Variants in SH3GL2 observed in about 807,000 individuals in gnomAD.
SH3GL2 encodes SH3 domain containing GRB2 like 2, endophilin A1.
SH3GL2 carries 24 observed loss-of-function variants against 46.0 expected under a neutral mutation model. The observed-to-expected ratio is 0.52, with a 90% CI of 0.38 to 0.73. SH3GL2 has a LOEUF of 0.73. Ranked by LOEUF, SH3GL2 falls within the 30% of genes least tolerant of loss-of-function variation. The pLI, the probability that SH3GL2 is intolerant of heterozygous loss-of-function variation, is 0.00. For synonymous variants in SH3GL2, 196 were observed against 147.1 expected, an observed-to-expected ratio of 1.33 and a Z score of -2.40; for missense variants, 413 against 424.2, an observed-to-expected ratio of 0.97 and a Z score of 0.23.
chr9:17,744,369 A>T (rs1039425073), intron 1 of SH3GL2, among the ~76,000 whole-genome samples: 4 of 144,478 alleles, frequency 2.8e-5, no homozygotes, highest in South Asian at 4.5e-4. Flanking sequence ...GGCACTTGAA[A>T]TTTTTTTTTT....
At chr9:17,664,319 T>G (rs1017490381) in intron 1 of SH3GL2, among the ~76,000 whole-genome samples, 1 of 152,000 alleles carries the variant, frequency 6.6e-6, no homozygotes, top group Non-Finnish European at 1.5e-5. Flanking sequence ...TCCAGAAATG[T>G]GTTGATGTGA....
In SH3GL2 at chr9:17,789,640, T is replaced by G. The variant is rs781250669; in HGVS notation, c.624+90T>G. The G allele has an allele frequency of 2.3e-4, 356 of 1,570,446 alleles. 1 individual carries two copies. The highest frequency in any genetic ancestry group is 3.6e-4 in the Middle Eastern group (2 of 5,604). ...GCCATAACCCTTAAAAGCATTAATATCTGATTACACTATGTGATAAGAACT... is the reference window on the plus strand; with the variant it reads ...GCCATAACCCTTAAAAGCATTAATAGCTGATTACACTATGTGATAAGAACT... On this transcript the variant is annotated intron_variant, in intron 6 of 8. Transcript: ENST00000380607.
intron 1 of SH3GL2, among the ~76,000 whole-genome samples, chr9:17,724,909 T>C (rs760934843): frequency 8.5e-5 from 13 of 152,098 alleles, no homozygotes; most frequent in Non-Finnish European, 1.6e-4. Context: ...TAAGCTGGCT[T>C]AGCCAGTTGG....
chr9:17,667,376 C>G (rs896282034), intron 1 of SH3GL2, among the ~76,000 whole-genome samples: 3 of 152,138 alleles, frequency 2.0e-5, no homozygotes, highest in African/African-American at 7.2e-5. Context: ...CCACTCTCCT[C>G]AACCCACAAA....
At chr9:17,685,835 G>C (rs1219422286) in intron 1 of SH3GL2, among the ~76,000 whole-genome samples, 2 of 152,084 alleles carry the variant, frequency 1.3e-5, no homozygotes, top group Non-Finnish European at 2.9e-5. Flanking sequence ...GTACCATGCT[G>C]TTTTGGTTAC....
At chr9:17,739,837 C>T (rs3808686) in intron 1 of SH3GL2, among the ~76,000 whole-genome samples, 48,843 of 151,868 alleles carry the variant, frequency 0.32, 8,360 homozygotes, top group East Asian at 0.55. Flanking sequence ...TTTTTCACCT[C>T]GGGGAAATGG....
intron 1 of SH3GL2, among the ~76,000 whole-genome samples, chr9:17,591,650 G>A (rs112485583): frequency 2.0e-5 from 3 of 152,276 alleles, no homozygotes; most frequent in African/African-American, 7.2e-5. Flanking sequence ...GAGCACGGTT[G>A]TTTGTGAAGG....
chr9:17,705,850 A>G (rs1821458440), intron 1 of SH3GL2, among the ~76,000 whole-genome samples: 1 of 152,004 alleles, frequency 6.6e-6, no homozygotes, highest in Non-Finnish European at 1.5e-5. Context: ...CCTGTTACGT[A>G]CTGTGCCTAT....
intron 1 of SH3GL2, among the ~76,000 whole-genome samples, chr9:17,631,000 T>G (rs1051322268): frequency 4.0e-5 from 6 of 151,816 alleles, no homozygotes; most frequent in Admixed American, 1.3e-4. Context: ...GGAGGAGAGA[T>G]AAGTAGCAAT....
At chr9:17,761,107 A>G (rs1247165349) in intron 2 of SH3GL2, among the ~76,000 whole-genome samples, 22 of 152,178 alleles carry the variant, frequency 1.4e-4, no homozygotes, top group Admixed American at 1.4e-3. Context: ...TGCCTGACCC[A>G]CTGTAGGCAT....
intron 3 of SH3GL2, among the ~76,000 whole-genome samples, chr9:17,769,763 A>C (rs1322104972): frequency 6.6e-6 from 1 of 151,824 alleles, no homozygotes; most frequent in African/African-American, 2.4e-5. Flanking sequence ...TTTTCACATC[A>C]CTCCCATTTC....
intron 1 of SH3GL2, among the ~76,000 whole-genome samples, chr9:17,645,858 G>T (rs1017356105): frequency 2.6e-5 from 4 of 152,056 alleles, no homozygotes; most frequent in African/African-American, 9.7e-5. Context: ...TCTTGGGGTT[G>T]CTCTTCTTGA....
At chr9:17,640,533 A>T (rs1819654118) in intron 1 of SH3GL2, among the ~76,000 whole-genome samples, 1 of 152,158 alleles carries the variant, frequency 6.6e-6, no homozygotes, top group Non-Finnish European at 1.5e-5. Flanking sequence ...ATTCAAAAGG[A>T]GCTCTCTCAA....
At chr9:17,635,657 G>T (rs1309889078) in intron 1 of SH3GL2, among the ~76,000 whole-genome samples, 1 of 152,182 alleles carries the variant, frequency 6.6e-6, no homozygotes, top group African/African-American at 2.4e-5. Context: ...AAAGTCATGT[G>T]CCTGCTGTGA....
At chr9:17,709,303 G>A (rs1306158064) in intron 1 of SH3GL2, among the ~76,000 whole-genome samples, 1 of 151,954 alleles carries the variant, frequency 6.6e-6, no homozygotes, top group Admixed American at 6.6e-5. Context: ...CTCATGAATA[G>A]AAAACAGAGT....
intron 1 of SH3GL2, among the ~76,000 whole-genome samples, chr9:17,734,054 C>T (rs554490298): frequency 2.6e-5 from 4 of 152,120 alleles, no homozygotes; most frequent in South Asian, 4.2e-4. Flanking sequence ...CTAGAAAATG[C>T]ACTCTCAGTC....
At chr9:17,630,307 T>C (rs1259687503) in intron 1 of SH3GL2, 3 of 152,246 alleles carry the variant, frequency 2.0e-5, no homozygotes, top group Non-Finnish European at 2.9e-5. Context: ...ATGAAAATAA[T>C]TTTTCATTCA....
rs1554645787 is a variant in SH3GL2, at chr9:17,743,600, A to ACC, written c.46-3463_46-3462dup. 1.4e-3 allele frequency among the ~76,000 whole-genome samples: 208 copies of ACC among 146,274 alleles called. 1 individual carries two copies. The highest frequency in any genetic ancestry group is 2.7e-3 in the African/African-American group (108 of 39,960). ...CACACACACACACACACACACACACACCCCAAATAGTTAAAGCCAATGGAT... is the reference window on the plus strand; with the variant it reads ...CACACACACACACACACACACACACACCCCCCAAATAGTTAAAGCCAATGGAT... On this transcript the variant is annotated intron_variant, in intron 1 of 8. Transcript: ENST00000380607.
chr9:17,690,085 G>A (rs1452609127), intron 1 of SH3GL2, among the ~76,000 whole-genome samples: 4 of 152,058 alleles, frequency 2.6e-5, no homozygotes, highest in African/African-American at 4.8e-5. Context: ...TCTCTGCTGT[G>A]TGTTATCTTT....
Sources: gnomAD v4.1 joint callset for allele counts (sites outside exome capture counted in the v4.1 genomes callset) on GRCh38, gnomAD v4.1.1 for gene constraint, MANE v1.5 for transcripts, NCBI Gene and HGNC (gene_info 2026-07-23, HGNC 2026-07-21) for gene names.